The following TAFA4 variants were observed in gnomAD, a reference collection of about 807,000 sequenced individuals.
TAFA4 encodes the protein TAFA chemokine like family member 4.
Under a neutral mutation model 21.1 loss-of-function variants are expected in TAFA4, and 20 were observed. That is an observed-to-expected ratio of 0.95 (90% CI 0.67 to 1.38). The LOEUF (loss-of-function observed/expected upper bound fraction) is 1.38. TAFA4 is among the 40% of genes most tolerant of loss of function. The pLI, the probability that TAFA4 is intolerant of heterozygous loss-of-function variation, is 0.00. For synonymous variants in TAFA4, 71 were observed against 67.4 expected, an observed-to-expected ratio of 1.05 and a Z score of -0.26; for missense variants, 211 against 180.9, an observed-to-expected ratio of 1.17 and a Z score of -0.95.
intron 1 of TAFA4, among the ~76,000 whole-genome samples, chr3:68,904,348 G>A (rs541003213): frequency 2.0e-5 from 3 of 152,312 alleles, no homozygotes; most frequent in Admixed American, 6.5e-5. Flanking sequence ...ATAGGCTAGC[G>A]AGTTGCTCAG....
At chr3:68,858,359 G>C (rs1412476166) in intron 3 of TAFA4, among the ~76,000 whole-genome samples, 2 of 151,948 alleles carry the variant, frequency 1.3e-5, no homozygotes, top group Non-Finnish European at 2.9e-5. Flanking sequence ...ATTAATGCTG[G>C]AACGCAGATT....
intron 3 of TAFA4, among the ~76,000 whole-genome samples, chr3:68,815,836 A>T (rs1222730175): frequency 6.6e-6 from 1 of 152,210 alleles, no homozygotes; most frequent in Non-Finnish European, 1.5e-5. Context: ...AGGACTATAA[A>T]ATCATGCTGC....
Position 68,841,106 on chromosome 3 carries a change from G to A in TAFA4, c.130+39624C>T, listed in dbSNP as rs1026443520. Among the ~76,000 whole-genome samples the A allele has an allele frequency of 1.5e-5, 2 of 133,566 alleles. 1 individual carries two copies. The highest frequency in any genetic ancestry group is 4.0e-4 in the East Asian group (2 of 4,996). 87.6% of individuals were successfully genotyped at this position (133,566 alleles called of 152,430 possible). Reference sequence around the variant, plus strand: ...TGGGAGGCCGAGGCGGGCGGATCACGAGGTCAGGAGATCGAGACCATCCCG... The same window carrying A: ...TGGGAGGCCGAGGCGGGCGGATCACAAGGTCAGGAGATCGAGACCATCCCG... On this transcript the variant is annotated intron_variant, in intron 3 of 5. Coordinates refer to ENST00000295569, the MANE Select transcript of TAFA4 (RefSeq NM_182522.5).
chr3:68,736,387 C>G (rs1702241402), intron 5 of TAFA4, among the ~76,000 whole-genome samples: 1 of 152,040 alleles, frequency 6.6e-6, no homozygotes, highest in Non-Finnish European at 1.5e-5. Flanking sequence ...TATTTTATAC[C>G]TGGAAAAGAT....
At chr3:68,905,152 T>C (rs1157546447) in intron 1 of TAFA4, among the ~76,000 whole-genome samples, 1 of 758 alleles carries the variant, frequency 1.3e-3, no homozygotes, top group Non-Finnish European at 0.022. Context: ...ATTTCTGCCT[T>C]TTTTTTTTTT....
intron 3 of TAFA4, among the ~76,000 whole-genome samples, chr3:68,868,667 A>G (rs1040398131): frequency 2.0e-5 from 3 of 152,066 alleles, no homozygotes; most frequent in African/African-American, 2.4e-5. Context: ...AAATGAAGCA[A>G]GAAGGAAATT....
intron 3 of TAFA4, among the ~76,000 whole-genome samples, chr3:68,759,424 TGGGAGAAAAA>T (rs968756814): frequency 6.6e-6 from 1 of 152,176 alleles, no homozygotes; most frequent in African/African-American, 2.4e-5. Context: ...TATTGTAGGA[TGGGAGAAAAA>T]TGAAAGCTGA....
chr3:68,871,262 T>A (rs2089479831), intron 3 of TAFA4, among the ~76,000 whole-genome samples: 1 of 152,006 alleles, frequency 6.6e-6, no homozygotes, highest in Non-Finnish European at 1.5e-5. Context: ...CACACGAATG[T>A]TTATTGCAGC....
chr3:68,797,767 A>G (rs142323083), intron 3 of TAFA4, among the ~76,000 whole-genome samples: 31 of 152,262 alleles, frequency 2.0e-4, no homozygotes, highest in African/African-American at 6.0e-4. Flanking sequence ...CAGAAAGTAG[A>G]ACGGTGGTTG....
chr3:68,859,210 C>T (rs1173166874), intron 3 of TAFA4, among the ~76,000 whole-genome samples: 2 of 152,148 alleles, frequency 1.3e-5, no homozygotes, highest in African/African-American at 2.4e-5. Context: ...TCAGCCACCA[C>T]TTTGAGAGCT....
At chr3:68,878,252 T>C (rs1325876970) in intron 3 of TAFA4, among the ~76,000 whole-genome samples, 5 of 152,212 alleles carry the variant, frequency 3.3e-5, no homozygotes, top group Non-Finnish European at 5.9e-5. Context: ...TATAAATCAA[T>C]AGCACCCAAG....
At chr3:68,772,658 A>G (rs1464663863) in intron 3 of TAFA4, among the ~76,000 whole-genome samples, 1 of 152,160 alleles carries the variant, frequency 6.6e-6, no homozygotes, top group Non-Finnish European at 1.5e-5. Flanking sequence ...GCCATCAGAA[A>G]GACCAAGCAC....
chr3:68,826,329 T>G (rs953440656), intron 3 of TAFA4, among the ~76,000 whole-genome samples: 5 of 152,058 alleles, frequency 3.3e-5, no homozygotes, highest in African/African-American at 1.2e-4. Flanking sequence ...ATCCCAACAC[T>G]TTGGGAGGCC....
chr3:68,831,326 C>G (rs929860748), intron 3 of TAFA4, among the ~76,000 whole-genome samples: 6 of 151,944 alleles, frequency 3.9e-5, no homozygotes, highest in East Asian at 1.9e-4. Flanking sequence ...TGGCTGGTAC[C>G]GTTGTCCCTT....
intron 3 of TAFA4, among the ~76,000 whole-genome samples, chr3:68,808,789 T>C (rs1703763735): frequency 6.6e-6 from 1 of 152,202 alleles, no homozygotes; most frequent in Admixed American, 6.5e-5. Flanking sequence ...AAAATATCAA[T>C]GGCTCACAAC....
intron 3 of TAFA4, among the ~76,000 whole-genome samples, chr3:68,761,339 C>CAA (rs530320825): frequency 6.9e-6 from 1 of 144,918 alleles, no homozygotes; most frequent in Non-Finnish European, 1.5e-5. Context: ...AAAAAATGAG[C>CAA]AAAAAAAAAA....
chr3:68,813,039 C>T (rs1380809183), intron 3 of TAFA4, among the ~76,000 whole-genome samples: 2 of 152,148 alleles, frequency 1.3e-5, no homozygotes, highest in Non-Finnish European at 2.9e-5. Context: ...AACCGCTCAA[C>T]TACATGGAAA....
chr3:68,820,920 G>T (rs968187761), intron 3 of TAFA4, among the ~76,000 whole-genome samples: 25 of 152,186 alleles, frequency 1.6e-4, no homozygotes, highest in Admixed American at 1.2e-3. Context: ...AAAATGCAAA[G>T]AATTTTGTTT....
At chr3:68,822,146 T>A (rs1444555873) in intron 3 of TAFA4, among the ~76,000 whole-genome samples, 2 of 152,004 alleles carry the variant, frequency 1.3e-5, no homozygotes, top group African/African-American at 4.8e-5. Context: ...ATTGACTTTT[T>A]TAAAAAAAAT....
Sources: allele counts gnomAD v4.1 joint callset (sites outside exome capture counted in the v4.1 genomes callset), GRCh38; gene constraint gnomAD v4.1.1; transcripts MANE v1.5; gene names NCBI Gene and HGNC (gene_info 2026-07-23, HGNC 2026-07-21).